The following FRMPD4 variants were observed in gnomAD, a reference collection of about 807,000 sequenced individuals.
The protein encoded by FRMPD4 is FERM and PDZ domain containing 4.
A neutral mutation model predicts 94.1 loss-of-function variants in FRMPD4; 22 were observed. The ratio of observed to expected loss-of-function variants is 0.23; its 90% CI spans 0.17 to 0.33. The LOEUF (loss-of-function observed/expected upper bound fraction) is 0.33. FRMPD4 is among the 10% of genes least tolerant of loss of function. FRMPD4 has a pLI of 1.00. For missense variants in FRMPD4, 1,111 were observed against 1,339.9 expected, an observed-to-expected ratio of 0.83 and a Z score of 2.67; for synonymous variants, 631 against 548.6, an observed-to-expected ratio of 1.15 and a Z score of -2.10.
chrX:12,580,829 G>A (rs890119136), intron 2 of FRMPD4, among the ~76,000 whole-genome samples: 3 of 112,162 alleles, frequency 2.7e-5, no homozygotes, highest in African/African-American at 9.7e-5. Context: ...TATATAGTGT[G>A]AATACACTGG....
intron 3 of FRMPD4, among the ~76,000 whole-genome samples, chrX:12,031,825 ACTT>A (rs2054693847): frequency 8.9e-6 from 1 of 111,964 alleles, no homozygotes; most frequent in African/African-American, 3.2e-5. Context: ...AGTCAGAGGG[ACTT>A]CTTAAGAGAT....
chrX:12,487,498 AAGAAG>A (rs1484625983), intron 1 of FRMPD4, among the ~76,000 whole-genome samples: 5 of 112,199 alleles, frequency 4.5e-5, no homozygotes, highest in Non-Finnish European at 9.4e-5. Flanking sequence ...AAAGAAAAGG[AAGAAG>A]AGAAGAGAGA....
intron 1 of FRMPD4, among the ~76,000 whole-genome samples, chrX:12,244,121 GTT>G (rs2053921234): frequency 9.1e-6 from 1 of 109,668 alleles, no homozygotes; most frequent in Non-Finnish European, 1.9e-5. Flanking sequence ...GTTTTGTTTT[GTT>G]TTGTTTTTTA....
intron 1 of FRMPD4, among the ~76,000 whole-genome samples, chrX:11,856,340 C>A (rs1275683094): frequency 1.8e-5 from 2 of 111,719 alleles, no homozygotes; most frequent in Non-Finnish European, 3.8e-5. Context: ...AGCAGCACAG[C>A]AAAAAGTTTA....
chrX:12,570,234 G>T (rs1317800174), intron 2 of FRMPD4, among the ~76,000 whole-genome samples: 2 of 111,936 alleles, frequency 1.8e-5, no homozygotes. Context: ...GTGCCTCAGG[G>T]CAGCATCCAG....
At chrX:12,441,714 A>T (rs1429438146) in intron 1 of FRMPD4, among the ~76,000 whole-genome samples, 1 of 112,405 alleles carries the variant, frequency 8.9e-6, no homozygotes, top group Non-Finnish European at 1.9e-5. Context: ...TGAATGGTGT[A>T]GTAGCAAAGT....
Position 12,560,742 on chromosome X carries a change from C to CTTTTTTT in FRMPD4, c.159-48940_159-48934dup, listed in dbSNP as rs749269384. The stretch of plus-strand genomic sequence containing the variant: ...CCCTAGTGTATGCACCTCCCCTCAT[C>CTTTTTTT]TTTTTTTTTTTTTTTTTTTTTTTTT... On this transcript the variant is annotated intron_variant, in intron 2 of 16. Transcript: ENST00000675598. 2.5e-4 allele frequency among the ~76,000 whole-genome samples: 11 copies of CTTTTTTT among 43,449 alleles called. 2 individuals are homozygous for CTTTTTTT. Among genetic ancestry groups the CTTTTTTT allele is most frequent in the Admixed American group, 8.3e-4 (2 of 2,416 alleles). The allele number at this position is 43,449 out of a possible 115,157, so 37.7% of individuals were successfully genotyped here. A position where few individuals can be genotyped will look rare whatever the true frequency, so the allele number is the denominator to read the frequency against.
At chrX:12,261,805 TTC>T (rs1192286472) in intron 1 of FRMPD4, among the ~76,000 whole-genome samples, 1 of 112,328 alleles carries the variant, frequency 8.9e-6, no homozygotes, top group Non-Finnish European at 1.9e-5. Context: ...CCATTATTTT[TTC>T]TGTCAAAGTT....
intron 1 of FRMPD4, among the ~76,000 whole-genome samples, chrX:12,342,368 G>C (rs1280036463): frequency 1.8e-5 from 2 of 111,952 alleles, no homozygotes; most frequent in African/African-American, 6.5e-5. Flanking sequence ...TATAAAAAAA[G>C]GTGCTGTTTT....
chrX:12,351,472 A>G (rs1451062982), intron 1 of FRMPD4, among the ~76,000 whole-genome samples: 4 of 112,173 alleles, frequency 3.6e-5, no homozygotes, highest in African/African-American at 1.3e-4. Flanking sequence ...AATCTCCATC[A>G]TTTCAAAAAA....
chrX:12,344,945 T>G (rs960279970), intron 1 of FRMPD4, among the ~76,000 whole-genome samples: 4 of 112,389 alleles, frequency 3.6e-5, no homozygotes, highest in Non-Finnish European at 7.5e-5. Flanking sequence ...ATCAAACTCC[T>G]TCAAGCTTTT....
chrX:12,294,555 G>A (rs1419225004), intron 1 of FRMPD4, among the ~76,000 whole-genome samples: 1 of 110,099 alleles, frequency 9.1e-6, no homozygotes, highest in Non-Finnish European at 1.9e-5. Context: ...TAAAGAGATT[G>A]TATTTGACCA....
chrX:12,522,303 C>T (rs936980952), intron 2 of FRMPD4, among the ~76,000 whole-genome samples: 9 of 111,156 alleles, frequency 8.1e-5, no homozygotes, highest in Admixed American at 5.7e-4. Context: ...TTGCACTGGC[C>T]GGGGTCTGAG....
chrX:12,504,856 C>A (rs942520979), intron 2 of FRMPD4, among the ~76,000 whole-genome samples: 3 of 112,476 alleles, frequency 2.7e-5, no homozygotes, highest in African/African-American at 9.7e-5. Context: ...CTTAATCTGG[C>A]CTTCACTCTA....
At chrX:12,664,742 C>T (rs1355397919) in intron 4 of FRMPD4, among the ~76,000 whole-genome samples, 1 of 111,825 alleles carries the variant, frequency 8.9e-6, no homozygotes, top group Admixed American at 9.5e-5. Flanking sequence ...AGGAGTCTCT[C>T]TTTTTCTATT....
At chrX:12,595,732 T>C (rs2059025119) in intron 2 of FRMPD4, among the ~76,000 whole-genome samples, 1 of 112,251 alleles carries the variant, frequency 8.9e-6, no homozygotes, top group Admixed American at 9.4e-5. Flanking sequence ...GTTTGAACTC[T>C]AAATGTTCAG....
intron 1 of FRMPD4, among the ~76,000 whole-genome samples, chrX:12,386,596 C>G (rs1268386130): frequency 9.0e-6 from 1 of 111,722 alleles, no homozygotes; most frequent in African/African-American, 3.3e-5. Flanking sequence ...TTATCTGCTC[C>G]TCTGCTTGTT....
intron 1 of FRMPD4, among the ~76,000 whole-genome samples, chrX:12,238,495 TA>T (rs1485684876): frequency 8.9e-6 from 1 of 112,175 alleles, no homozygotes; most frequent in Non-Finnish European, 1.9e-5. Context: ...AGTAAATCTT[TA>T]AAAATGTGAT....
intron 1 of FRMPD4, among the ~76,000 whole-genome samples, chrX:12,429,682 C>T (rs945230212): frequency 8.9e-6 from 1 of 112,099 alleles, no homozygotes; most frequent in Non-Finnish European, 1.9e-5. Context: ...ATTTTGAAAG[C>T]GTGACTCTGA....
Sources: gnomAD v4.1 joint callset for allele counts (sites outside exome capture counted in the v4.1 genomes callset) on GRCh38, gnomAD v4.1.1 for gene constraint, MANE v1.5 for transcripts, NCBI Gene and HGNC (gene_info 2026-07-23, HGNC 2026-07-21) for gene names.